The following ERN1 variants were observed in gnomAD, a reference collection of about 807,000 sequenced individuals.
ERN1 encodes serine/threonine-protein kinase/endoribonuclease IRE1.
In ERN1, 39 loss-of-function variants were observed where a neutral mutation model predicts 113.1. That is an observed-to-expected ratio of 0.34 (90% CI 0.27 to 0.45). ERN1 has a LOEUF of 0.45. Ranked by LOEUF, ERN1 falls within the 20% of genes least tolerant of loss-of-function variation. The pLI, the probability that ERN1 is intolerant of heterozygous loss-of-function variation, is 1.00. For synonymous variants in ERN1, 507 were observed against 515.9 expected, an observed-to-expected ratio of 0.98 and a Z score of 0.23; for missense variants, 976 against 1,274.8, an observed-to-expected ratio of 0.77 and a Z score of 3.57.
chr17:64,111,805 A>G (rs986037264), intron 1 of ERN1, among the ~76,000 whole-genome samples: 3 of 152,222 alleles, frequency 2.0e-5, no homozygotes, highest in Admixed American at 2.0e-4. Flanking sequence ...TAAGAAAGCA[A>G]AACAAATATT....
intron 1 of ERN1, among the ~76,000 whole-genome samples, chr17:64,110,189 C>G (rs747728161): frequency 2.0e-5 from 3 of 152,110 alleles, no homozygotes; most frequent in Admixed American, 6.5e-5. Context: ...TTACCCAAAC[C>G]AGTCTTTTTA....
chr17:64,112,285 T>G (rs1383865865), intron 1 of ERN1, among the ~76,000 whole-genome samples: 2 of 151,710 alleles, frequency 1.3e-5, no homozygotes, highest in African/African-American at 4.9e-5. Context: ...GGAGAATCAC[T>G]TGAACCCAGG....
In ERN1 at chr17:64,102,937, T is replaced by C. The variant is rs142007533; in HGVS notation, c.55-4696A>G. 3.7e-4 allele frequency: 364 copies of C among 985,322 alleles called. 1 individual carries two copies. The African/African-American group carries it at 5.7e-3, about 16-fold the overall frequency. 61.0% of individuals were successfully genotyped at this position (985,322 alleles called of 1,614,324 possible). ...GTGGAATATATACTCCTGGCTTTGA[T>C]GGTGACTTGTAGGAAGTAACCAACA... On this transcript the variant is annotated intron_variant, in intron 1 of 21. Coordinates refer to ENST00000433197, the MANE Select transcript of ERN1 (RefSeq NM_001433.5).
At chr17:64,051,169 AG>A (rs1253836246) in intron 17 of ERN1, among the ~76,000 whole-genome samples, 16 of 134,398 alleles carry the variant, frequency 1.2e-4, no homozygotes, top group South Asian at 2.6e-4. Flanking sequence ...AAAAAAAAAA[AG>A]AGAGAGAGAA....
At chr17:64,123,682 A>G (rs1376196641) in intron 1 of ERN1, among the ~76,000 whole-genome samples, 1 of 152,222 alleles carries the variant, frequency 6.6e-6, no homozygotes, top group Non-Finnish European at 1.5e-5. Flanking sequence ...TCTCCAGGAA[A>G]TAACTAAGCA....
In ERN1 at chr17:64,054,376, T is replaced by C. The variant is rs780312298; in HGVS notation, c.1827A>G (p.Ala609=). ...KRILPECFSF[A]DREVQLLRES... ...CTCGCAACAGCTGGACCTCACGGTCTGCGAAGCTAAAACACTCGGGGAGGA... is the reference window on the plus strand; with the variant it reads ...CTCGCAACAGCTGGACCTCACGGTCCGCGAAGCTAAAACACTCGGGGAGGA... Residue 609 remains alanine (A), a synonymous_variant, in exon 15 of 22, where the codon GCA becomes GCG. Coordinates refer to ENST00000433197, the MANE Select transcript of ERN1 (RefSeq NM_001433.5). This position sits in a 1 kb window ranked among gnomAD's most constrained non-coding sequence, Gnocchi z 4.9. 1.2e-6 allele frequency: 2 copies of C among 1,606,570 alleles called. No homozygotes were observed. Among genetic ancestry groups the C allele is most frequent in the East Asian group, 2.2e-5 (1 of 44,608 alleles).
At chr17:64,077,744 T>C (rs1157075447) in intron 4 of ERN1, among the ~76,000 whole-genome samples, 4 of 147,866 alleles carry the variant, frequency 2.7e-5, no homozygotes, top group Non-Finnish European at 3.0e-5. Flanking sequence ...AAAAGTGCAT[T>C]TCTTCTTTTT....
intron 2 of ERN1, among the ~76,000 whole-genome samples, chr17:64,089,550 C>G (rs1210172332): frequency 1.3e-5 from 2 of 152,064 alleles, no homozygotes; most frequent in Non-Finnish European, 2.9e-5. Context: ...ATCAGAAACA[C>G]TTCAGGTCCC....
At chr17:64,050,251 A>G (rs1912640656) in intron 17 of ERN1, among the ~76,000 whole-genome samples, 1 of 152,104 alleles carries the variant, frequency 6.6e-6, no homozygotes, top group Admixed American at 6.5e-5. Flanking sequence ...TGGCCACCAC[A>G]GCTGGAGCTC....
intron 1 of ERN1, among the ~76,000 whole-genome samples, chr17:64,107,083 G>A (rs1567883159): frequency 6.6e-6 from 1 of 152,062 alleles, no homozygotes; most frequent in Non-Finnish European, 1.5e-5. Flanking sequence ...TCACATAGTA[G>A]GAGACTGTCC....
intron 2 of ERN1, among the ~76,000 whole-genome samples, chr17:64,096,168 A>G (rs1316341089): frequency 2.0e-5 from 3 of 152,238 alleles, no homozygotes; most frequent in Non-Finnish European, 4.4e-5. Flanking sequence ...TGGGCCACAC[A>G]GCAAGAGGTG....
chr17:64,083,465 C>T (rs769972508), intron 2 of ERN1, among the ~76,000 whole-genome samples: 1 of 152,108 alleles, frequency 6.6e-6, no homozygotes, highest in Non-Finnish European at 1.5e-5. Flanking sequence ...ACAAATACTG[C>T]TGTAAAATAA....
At chr17:64,100,209 G>A (rs1298393627) in intron 1 of ERN1, among the ~76,000 whole-genome samples, 2 of 152,114 alleles carry the variant, frequency 1.3e-5, no homozygotes, top group African/African-American at 4.8e-5. Context: ...GGGAGTTCAT[G>A]AGTAAACAGG....
intron 1 of ERN1, among the ~76,000 whole-genome samples, chr17:64,116,207 T>G (rs963618226): frequency 9.9e-5 from 15 of 152,150 alleles, no homozygotes; most frequent in African/African-American, 2.9e-4. Flanking sequence ...AACCATCTCC[T>G]AAACTGAAAG....
rs1033610611 is a variant in ERN1, at chr17:64,063,921, C to T, written c.1087+65G>A. The T allele has an allele frequency of 8.6e-6, 13 of 1,509,980 alleles. No individual in the cohort carries two copies. The highest frequency in any genetic ancestry group is 7.1e-5 in the Admixed American group (4 of 56,524). The allele number at this position is 1,509,980 out of a possible 1,614,324, so 93.5% of individuals were successfully genotyped here. A position where few individuals can be genotyped will look rare whatever the true frequency, so the allele number is the denominator to read the frequency against. Reference sequence around the variant, plus strand: ...CTCAGTACGGTGTAACTACCAGGGCCGGCGGTCGCCCACCAGGAGGCAGCA... The same window carrying T: ...CTCAGTACGGTGTAACTACCAGGGCTGGCGGTCGCCCACCAGGAGGCAGCA... On this transcript the variant is annotated intron_variant, in intron 10 of 21. Transcript: ENST00000433197. The surrounding 1 kb of genome is among the most constrained non-coding windows in gnomAD (Gnocchi z 5.1).
chr17:64,056,574 C>CA (rs897557288), intron 12 of ERN1, among the ~76,000 whole-genome samples: 1 of 152,216 alleles, frequency 6.6e-6, no homozygotes, highest in African/African-American at 2.4e-5. Flanking sequence ...ACATGCCTCT[C>CA]AAATACTCTG....
chr17:64,125,932 G>A (rs1269333788), intron 1 of ERN1, among the ~76,000 whole-genome samples: 1 of 152,120 alleles, frequency 6.6e-6, no homozygotes, highest in Non-Finnish European at 1.5e-5. Context: ...AGATAACATC[G>A]TATTTTTATA....
chr17:64,086,785 T>C (rs971343919), intron 2 of ERN1, among the ~76,000 whole-genome samples: 35 of 151,910 alleles, frequency 2.3e-4, no homozygotes, highest in African/African-American at 7.3e-4. Flanking sequence ...TAGCTGGGAC[T>C]ACAGGCGTGT....
At chr17:64,050,537 T>C (rs1042732115) in intron 17 of ERN1, among the ~76,000 whole-genome samples, 1 of 152,188 alleles carries the variant, frequency 6.6e-6, no homozygotes. Flanking sequence ...CTGCGGCATT[T>C]GGTGTGGTGG....
Sources: gnomAD v4.1 joint callset for allele counts (sites outside exome capture counted in the v4.1 genomes callset) on GRCh38, gnomAD v4.1.1 for gene constraint, Gnocchi (gnomAD v3.1) non-coding constraint, MANE v1.5 for transcripts, NCBI Gene and HGNC (gene_info 2026-07-23, HGNC 2026-07-21) for gene names.